Variants in NAV2 observed in about 807,000 individuals in gnomAD.
NAV2 encodes the protein helicase, APC down-regulated 1.
In NAV2, 54 loss-of-function variants were observed where a neutral mutation model predicts 223.2. The ratio of observed to expected loss-of-function variants is 0.24; its 90% CI spans 0.19 to 0.30. The LOEUF is 0.30. Ranked by LOEUF, NAV2 falls within the 10% of genes least tolerant of loss-of-function variation. NAV2 has a pLI of 1.00. For synonymous variants in NAV2, 1,279 were observed against 1,239.3 expected (o/e 1.03, Z -0.67); for missense variants, 2,806 against 3,147.5 (o/e 0.89, Z 2.60).
At chr11:20,114,522 A>C in intron 36 of NAV2, 70 bp from the exon 37 acceptor site, 1 of 1,463,226 alleles carries the variant, frequency 6.8e-7, no homozygotes, top group Non-Finnish European at 9.5e-7. Flanking sequence ...TTTTTCAGAA[A>C]GCTGCAAAAC....
At chr11:19,636,986 C>T (rs753730485) in intron 1 of NAV2, among the ~76,000 whole-genome samples, 9 of 152,216 alleles carry the variant, frequency 5.9e-5, no homozygotes, top group Non-Finnish European at 8.8e-5. Flanking sequence ...GTGATTCCAG[C>T]GTAGCTCAGC....
chr11:19,841,099 GAGGAGTTGAGAAAATGCA>G (rs1253680966), intron 2 of NAV2, among the ~76,000 whole-genome samples: 2 of 152,146 alleles, frequency 1.3e-5, no homozygotes, highest in Non-Finnish European at 2.9e-5. Context: ...CTTATATTAA[GAGGAGTTGAGAAAATGCA>G]ATTAGATCTC....
rs950846486 is a variant in NAV2 at position 19,419,549 on chromosome 11, T to C, written c.75+68522T>C. Among the ~76,000 whole-genome samples, 58 of 152,190 alleles carry C rather than the reference T, an allele frequency of 3.8e-4. 1 individual carries two copies. The highest frequency in any genetic ancestry group is 1.4e-3 in the African/African-American group (56 of 41,454). On this transcript the variant is annotated intron_variant, in intron 1 of 37. Coordinates refer to the NAV2 transcript ENST00000360655. ...CAGGTGGGGCTTCGAGACCCGCTTC[T>C]CAGTCTGATGTGAAGACGTGGGGAA...
At chr11:19,959,871 C>G (rs754957881) in intron 10 of NAV2, among the ~76,000 whole-genome samples, 58 of 152,120 alleles carry the variant, frequency 3.8e-4, no homozygotes, top group Non-Finnish European at 2.2e-4. Flanking sequence ...CCTTCTTCCC[C>G]CCCCACCATC....
At chr11:19,746,411 T>G (rs1300849086) in intron 1 of NAV2, among the ~76,000 whole-genome samples, 1 of 152,174 alleles carries the variant, frequency 6.6e-6, no homozygotes, top group Non-Finnish European at 1.5e-5. Context: ...TTGTCACACA[T>G]GCCTCCAATC....
intron 1 of NAV2, among the ~76,000 whole-genome samples, chr11:19,408,120 A>C (rs764933066): frequency 2.6e-5 from 4 of 152,104 alleles, no homozygotes; most frequent in African/African-American, 9.7e-5. Flanking sequence ...CCTGGTACCC[A>C]CTGAGCGGCC....
chr11:19,345,616 G>A, the NAV2 span, among the ~76,000 whole-genome samples: 132 of 152,332 alleles, frequency 8.7e-4, 2 homozygotes, highest in African/African-American at 3.0e-3. This position sits in a 1 kb window ranked among gnomAD's most constrained non-coding sequence, Gnocchi z 5.2. Flanking sequence ...ACCCGTGCGC[G>A]ATGACGGCCG....
At chr11:19,939,057 A>G (rs1194075588) in intron 7 of NAV2, among the ~76,000 whole-genome samples, 2 of 152,196 alleles carry the variant, frequency 1.3e-5, no homozygotes, top group African/African-American at 4.8e-5. Flanking sequence ...AAATAAGGGC[A>G]TGGAGAGGGT....
chr11:19,696,209 T>C (rs2049336292), intron 1 of NAV2, among the ~76,000 whole-genome samples: 1 of 152,188 alleles, frequency 6.6e-6, no homozygotes, highest in Admixed American at 6.5e-5. Context: ...ACCAACGCCA[T>C]TGTGCTAAGA....
intron 1 of NAV2, among the ~76,000 whole-genome samples, chr11:19,421,764 CTTTTTTTT>C (rs373669949): frequency 5.7e-4 from 48 of 84,542 alleles, no homozygotes; most frequent in Admixed American, 1.5e-3. Context: ...AAGAGAGAGG[CTTTTTTTT>C]TTTTTTTTTT....
rs1441405316 is a variant in NAV2, at chr11:20,101,135, T to C, written c.6380T>C (p.Val2127Ala). Residue 2127 changes from valine to alanine, a missense_variant, in exon 32 of 38, where the codon GTT becomes GCT. Val to Ala is a moderately conservative substitution (Grantham distance 64, BLOSUM62 0). Coordinates refer to ENST00000349880, the MANE Select transcript of NAV2 (RefSeq NM_145117.5). ...LREGRELTDG[V>A]IATFNVDHKS... ...GAGGGACGGGAGTTGACAGACGGGG[T>C]TATCGCCACCTTTAACGTGGACCAT... The C allele has an allele frequency of 6.2e-7, 1 of 1,613,898 alleles. No individual in the cohort carries two copies. The highest frequency in any genetic ancestry group is 8.5e-7 in the Non-Finnish European group (1 of 1,179,928).
At chr11:19,983,330 G>A (rs141183216) in intron 10 of NAV2, among the ~76,000 whole-genome samples, 2 of 152,256 alleles carry the variant, frequency 1.3e-5, no homozygotes, top group African/African-American at 4.8e-5. Context: ...CTCAAGAACA[G>A]CACTGATTTC....
intron 1 of NAV2, among the ~76,000 whole-genome samples, chr11:19,366,479 G>A (rs78601452): frequency 0.044 from 6,743 of 152,236 alleles, 227 homozygotes; most frequent in Non-Finnish European, 0.069. Flanking sequence ...AGGGTACCAG[G>A]AGCCCCTGGG....
At chr11:19,390,843 G>C (rs1849220496) in intron 1 of NAV2, among the ~76,000 whole-genome samples, 1 of 152,166 alleles carries the variant, frequency 6.6e-6, no homozygotes, top group Non-Finnish European at 1.5e-5. Context: ...GGCTTGGTCA[G>C]TGTTAGGAAA....
intron 1 of NAV2, among the ~76,000 whole-genome samples, chr11:19,597,821 G>A (rs576528766): frequency 2.2e-4 from 34 of 152,356 alleles, no homozygotes; most frequent in African/African-American, 7.9e-4. Context: ...AGAACTGCGA[G>A]TTTCACTGGG....
intron 1 of NAV2, among the ~76,000 whole-genome samples, chr11:19,494,145 C>G (rs2042720203): frequency 6.6e-6 from 1 of 152,188 alleles, no homozygotes; most frequent in East Asian, 1.9e-4. Context: ...AAGGAACAGA[C>G]CTTCTTGGAA....
chr11:20,080,783 A>G (rs1218060803), intron 25 of NAV2, among the ~76,000 whole-genome samples: 3 of 152,242 alleles, frequency 2.0e-5, no homozygotes, highest in African/African-American at 7.2e-5. Flanking sequence ...TAATAGAATC[A>G]GTCTCCATTA....
chr11:19,492,358 G>A (rs907782229), intron 1 of NAV2, among the ~76,000 whole-genome samples: 2 of 151,906 alleles, frequency 1.3e-5, no homozygotes, highest in Admixed American at 1.3e-4. Context: ...CTATTTCTCA[G>A]CTTCCCTCGT....
chr11:20,020,374 G>A (rs1049432149), intron 11 of NAV2, among the ~76,000 whole-genome samples: 2 of 152,222 alleles, frequency 1.3e-5, no homozygotes. Flanking sequence ...AATTTGGCCT[G>A]TTTAGAAGCA....
Sources: gnomAD v4.1 joint callset for allele counts (sites outside exome capture counted in the v4.1 genomes callset) on GRCh38, gnomAD v4.1.1 for gene constraint, Gnocchi (gnomAD v3.1) non-coding constraint, MANE v1.5 for transcripts, NCBI Gene and HGNC (gene_info 2026-07-23, HGNC 2026-07-21) for gene names.